The following CNTN6 variants were observed in gnomAD, a reference collection of about 807,000 sequenced individuals.
The protein encoded by CNTN6 is contactin-6.
A neutral mutation model predicts 122.8 loss-of-function variants in CNTN6; 137 were observed. The ratio of observed to expected loss-of-function variants is 1.12; its 90% CI spans 0.97 to 1.29. The LOEUF (loss-of-function observed/expected upper bound fraction) is 1.29, where lower values mean the gene tolerates loss of function less well. Among genes scored for constraint, CNTN6 ranks in the 50% most tolerant of loss-of-function variants. CNTN6 has a pLI of 0.00. For missense variants in CNTN6, 1,634 were observed against 1,223.4 expected, an observed-to-expected ratio of 1.34 and a Z score of -5.01; for synonymous variants, 570 against 426.0, an observed-to-expected ratio of 1.34 and a Z score of -4.16.
chr3:1,126,431 C>T (rs919373924), intron 1 of CNTN6, among the ~76,000 whole-genome samples: 1 of 151,848 alleles, frequency 6.6e-6, no homozygotes, highest in Non-Finnish European at 1.5e-5. Flanking sequence ...CTTTTCCAGT[C>T]AGTTTATCTA....
chr3:1,309,405 G>C (rs765470469), intron 7 of CNTN6, among the ~76,000 whole-genome samples: 12 of 152,014 alleles, frequency 7.9e-5, no homozygotes, highest in Non-Finnish European at 1.8e-4. Context: ...CCACTGTATT[G>C]CGTTTGCTCC....
chr3:1,128,130 G>A (rs578038288), intron 1 of CNTN6: 1 of 151,972 alleles, frequency 6.6e-6, no homozygotes, highest in Non-Finnish European at 1.5e-5. Flanking sequence ...TATAGAGACA[G>A]TTGTAACTAA....
intron 4 of CNTN6, among the ~76,000 whole-genome samples, chr3:1,238,809 C>A (rs1389439297): frequency 6.6e-6 from 1 of 152,028 alleles, no homozygotes; most frequent in Admixed American, 6.6e-5. Context: ...CAGGCAAATA[C>A]ATGGAAATTA....
chr3:1,400,933 T>C (rs901132598), intron 20 of CNTN6, among the ~76,000 whole-genome samples: 2 of 152,156 alleles, frequency 1.3e-5, no homozygotes, highest in African/African-American at 4.8e-5. Flanking sequence ...ATATCCTTGA[T>C]AATTTACTAC....
intron 5 of CNTN6, among the ~76,000 whole-genome samples, chr3:1,293,709 CTTTT>C (rs913004939): frequency 1.3e-5 from 2 of 152,054 alleles, no homozygotes; most frequent in African/African-American, 4.8e-5. Context: ...CAACTGAAGA[CTTTT>C]TTTGAGTTAG....
At chr3:1,201,099 T>TCGTG (rs2093862065) in intron 2 of CNTN6, among the ~76,000 whole-genome samples, 1 of 130,020 alleles carries the variant, frequency 7.7e-6, no homozygotes, top group Admixed American at 7.7e-5. Flanking sequence ...AGCTAACATT[T>TCGTG]TGTGTGTGTG....
Position 1,373,663 on chromosome 3 carries a change from C to A in CNTN6, c.1846C>A (p.Leu616Ile). 6.2e-7 allele frequency: 1 copy of A among 1,613,062 alleles called. No homozygotes were observed. Among genetic ancestry groups the A allele is most frequent in the Non-Finnish European group, 8.5e-7 (1 of 1,179,350 alleles). Residue 616 changes from leucine (L) to isoleucine (I), a missense_variant, in exon 15 of 23, where the codon CTA becomes ATA. Coordinates refer to ENST00000446702, the MANE Select transcript of CNTN6 (RefSeq NM_001289080.2). The part of the protein sequence containing the change: ...VEDISSTTSQ[L>I]SWRAGPDNNS... The stretch of plus-strand genomic sequence containing the variant: ...AGACATTTCCAGTACTACTTCTCAA[C>A]TAAGTTGGAGAGCAGGCCCAGATAA...
intron 2 of CNTN6, among the ~76,000 whole-genome samples, chr3:1,181,886 C>A (rs908430798): frequency 6.6e-6 from 1 of 152,102 alleles, no homozygotes; most frequent in Non-Finnish European, 1.5e-5. Flanking sequence ...ATCTATGCCA[C>A]ACATTGTTTC....
chr3:1,298,284 C>T (rs1172757743), intron 7 of CNTN6: 4 of 251,794 alleles, frequency 1.6e-5, no homozygotes, highest in Non-Finnish European at 3.1e-5. Flanking sequence ...GGAATAAGTG[C>T]ACTCGTATAA....
At chr3:1,299,706 T>A (rs566523354) in intron 7 of CNTN6, among the ~76,000 whole-genome samples, 1 of 152,304 alleles carries the variant, frequency 6.6e-6, no homozygotes, top group East Asian at 1.9e-4. Flanking sequence ...AATTCTGAAT[T>A]TAGGAACTTC....
chr3:1,148,760 A>G (rs185524310), intron 2 of CNTN6, among the ~76,000 whole-genome samples: 2 of 152,292 alleles, frequency 1.3e-5, no homozygotes, highest in East Asian at 3.9e-4. Flanking sequence ...GATGGGCTCA[A>G]ATGGGTCTTC....
intron 8 of CNTN6, among the ~76,000 whole-genome samples, chr3:1,322,451 A>G (rs1217057776): frequency 2.0e-5 from 3 of 151,778 alleles, no homozygotes; most frequent in Non-Finnish European, 2.9e-5. Flanking sequence ...AACATTAAGT[A>G]AACAATACAA....
chr3:1,314,708 A>C (rs1699851832), intron 7 of CNTN6, among the ~76,000 whole-genome samples: 1 of 152,066 alleles, frequency 6.6e-6, no homozygotes, highest in South Asian at 2.1e-4. Context: ...TGACAGGATG[A>C]AGTAAAAGTC....
chr3:1,329,259 G>A (rs888755327), intron 10 of CNTN6, among the ~76,000 whole-genome samples: 5 of 151,260 alleles, frequency 3.3e-5, no homozygotes, highest in African/African-American at 1.2e-4. Context: ...ATATGTGTGT[G>A]TGTGTTTCTG....
intron 2 of CNTN6, among the ~76,000 whole-genome samples, chr3:1,154,444 C>CT (rs140096028): frequency 0.15 from 22,488 of 146,708 alleles, 2,749 homozygotes; most frequent in African/African-American, 0.32. Context: ...CTTTTCTTTT[C>CT]TTTCTTTTTT....
At chr3:1,174,553 ATC>A (rs2093414804) in intron 2 of CNTN6, among the ~76,000 whole-genome samples, 1 of 152,188 alleles carries the variant, frequency 6.6e-6, no homozygotes, top group Non-Finnish European at 1.5e-5. Flanking sequence ...CACTGAATCC[ATC>A]TCTCTTTCTC....
At chr3:1,384,778 T>TAC (rs1559990180) in intron 19 of CNTN6, among the ~76,000 whole-genome samples, 1 of 124,470 alleles carries the variant, frequency 8.0e-6, no homozygotes, top group African/African-American at 3.2e-5. Flanking sequence ...TACACATATA[T>TAC]ATATATATAT....
intron 14 of CNTN6, 54 bp from the exon 15 acceptor site, chr3:1,373,550 A>C (rs1709401038): frequency 3.2e-6 from 5 of 1,562,142 alleles, no homozygotes; most frequent in Non-Finnish European, 3.5e-6. Context: ...CCTAGTACCA[A>C]ATTAATGAAT....
intron 17 of CNTN6, among the ~76,000 whole-genome samples, chr3:1,381,872 G>T (rs3843009): frequency 6.6e-6 from 1 of 151,974 alleles, no homozygotes; most frequent in Non-Finnish European, 1.5e-5. Context: ...GTTAGTCACC[G>T]TAGAGTACAG....
Sources: allele counts gnomAD v4.1 joint callset (sites outside exome capture counted in the v4.1 genomes callset), GRCh38; gene constraint gnomAD v4.1.1; transcripts MANE v1.5; gene names NCBI Gene and HGNC (gene_info 2026-07-23, HGNC 2026-07-21).